USP6NL: variants seen among roughly 807,000 people sequenced by gnomAD.
The protein encoded by USP6NL is USP6 N-terminal like.
Under a neutral mutation model 61.9 loss-of-function variants are expected in USP6NL, and 26 were observed. The observed-to-expected ratio is 0.42, with a 90% CI of 0.31 to 0.58. The LOEUF (loss-of-function observed/expected upper bound fraction) is 0.58. Among genes scored for constraint, USP6NL ranks in the 20% least tolerant of loss-of-function variants. The pLI is 0.16. For synonymous variants in USP6NL, 432 were observed against 390.1 expected, an observed-to-expected ratio of 1.11 and a Z score of -1.27; for missense variants, 1,114 against 1,034.3, an observed-to-expected ratio of 1.08 and a Z score of -1.06.
chr10:11,491,606 G>A lies in USP6NL; in HGVS notation c.495-726C>T, dbSNP rs1833711456. Among the ~76,000 whole-genome samples, 1 of 152,184 alleles carries A rather than the reference G, an allele frequency of 6.6e-6. No homozygotes were observed. Among genetic ancestry groups the A allele is most frequent in the African/African-American group, 2.4e-5 (1 of 41,422 alleles). On this transcript the variant is annotated intron_variant, in intron 8 of 14. Coordinates refer to ENST00000609104, the MANE Select transcript of USP6NL (RefSeq NM_014688.5). The surrounding 1 kb of genome is among the most constrained non-coding windows in gnomAD (Gnocchi z 4.7). ...AGGACGTGGCTGTGTGGGCTGGGGG[G>A]ATTATCCTGATTACTAAGGGGAACA...
intron 14 of USP6NL, among the ~76,000 whole-genome samples, chr10:11,479,615 G>T (rs1054668068): frequency 1.4e-5 from 2 of 142,622 alleles, no homozygotes; most frequent in Non-Finnish European, 3.0e-5. Flanking sequence ...TCACTTTGTC[G>T]CCCAGGTTGG....
In USP6NL at chr10:11,481,667, A is replaced by C. The variant is rs1352129799; in HGVS notation, c.1078+103T>G. On this transcript the variant is annotated intron_variant, in intron 14 of 14. Transcript: ENST00000609104. The surrounding 1 kb of genome is among the most constrained non-coding windows in gnomAD (Gnocchi z 4.4). Reference sequence around the variant, plus strand: ...CATTCATCCACATTATGTCATCACAAGTATAATGCTTACGCTGTGGGCAAG... The same window carrying C: ...CATTCATCCACATTATGTCATCACACGTATAATGCTTACGCTGTGGGCAAG... The C allele has an allele frequency of 8.1e-7, 1 of 1,239,548 alleles. No individual in the cohort carries two copies. Among genetic ancestry groups the C allele is most frequent in the Non-Finnish European group, 1.1e-6 (1 of 936,102 alleles). 76.8% of individuals were successfully genotyped at this position (1,239,548 alleles called of 1,614,324 possible). A position where few individuals can be genotyped will look rare whatever the true frequency, so the allele number is the denominator to read the frequency against.
chr10:11,504,990 TAAGA>T (rs896403187), intron 6 of USP6NL, among the ~76,000 whole-genome samples: 2 of 152,164 alleles, frequency 1.3e-5, no homozygotes, highest in African/African-American at 4.8e-5. Context: ...CATACAATTC[TAAGA>T]GAGAACTAGA....
In USP6NL at chr10:11,501,149, G is replaced by A. The variant is rs771915776; in HGVS notation, c.336C>T (p.Leu112=). The change falls in exon 7 of 15, where the codon CTC becomes CTT. Residue 112 remains leucine (L), a synonymous_variant. Coordinates refer to ENST00000609104, the MANE Select transcript of USP6NL (RefSeq NM_014688.5). Reference sequence around the variant, plus strand: ...CTTTCATTTTAGGGATCTCAAGAAGGAGGGCCCAGACTTCACCTCTGAGCT... The same window carrying A: ...CTTTCATTTTAGGGATCTCAAGAAGAAGGGCCCAGACTTCACCTCTGAGCT... ...PLQLRGEVWA[L]LLEIPKMKEE... The A allele has an allele frequency of 6.2e-7, 1 of 1,613,344 alleles. No homozygotes were observed. The highest frequency in any genetic ancestry group is 8.5e-7 in the Non-Finnish European group (1 of 1,179,682).
chr10:11,537,937 G>A lies in USP6NL; in HGVS notation c.5-10370C>T, dbSNP rs1461012783. Among the ~76,000 whole-genome samples, 1 of 152,156 alleles carries A rather than the reference G, an allele frequency of 6.6e-6. No homozygotes were observed. The highest frequency in any genetic ancestry group is 1.5e-5 in the Non-Finnish European group (1 of 68,040). ...GATTCTGCAAATAAAAAGATCAACA[G>A]TGTCGATATAATTGGTAGGTTGCTT... On this transcript the variant is annotated intron_variant, in intron 2 of 14. Coordinates refer to ENST00000609104, the MANE Select transcript of USP6NL (RefSeq NM_014688.5). This position sits in a 1 kb window ranked among gnomAD's most constrained non-coding sequence, Gnocchi z 5.1.
Position 11,532,035 on chromosome 10 carries a change from C to T in USP6NL, c.5-4468G>A. Reference sequence around the variant, plus strand: ...TATCTTAATGTCACTAAATTAGCACCAAACTGCAATGAAAAATTCATACAA... The same window carrying T: ...TATCTTAATGTCACTAAATTAGCACTAAACTGCAATGAAAAATTCATACAA... On this transcript the variant is annotated intron_variant, in intron 2 of 14. Coordinates refer to ENST00000609104, the MANE Select transcript of USP6NL (RefSeq NM_014688.5). This position sits in a 1 kb window ranked among gnomAD's most constrained non-coding sequence, Gnocchi z 4.1. The T allele has an allele frequency of 1.6e-6, 1 of 632,478 alleles. No individual in the cohort carries two copies. The highest frequency in any genetic ancestry group is 2.2e-5 in the South Asian group (1 of 46,342). 39.2% of individuals were successfully genotyped at this position (632,478 alleles called of 1,614,324 possible). A position where few individuals can be genotyped will look rare whatever the true frequency, so the allele number is the denominator to read the frequency against.
chr10:11,587,498 C>A lies in USP6NL; in HGVS notation c.4+10133G>T, dbSNP rs1295870259. ...ATCTAATATGACCCATAAATCTCTA[C>A]AGCCTAATCAGAATCAGAGTCTTAA... On this transcript the variant is annotated intron_variant, in intron 2 of 14. Transcript: ENST00000609104. The surrounding 1 kb of genome is among the most constrained non-coding windows in gnomAD (Gnocchi z 4.5). Among the ~76,000 whole-genome samples, 2 of 152,186 alleles carry A rather than the reference C, an allele frequency of 1.3e-5. No individual in the cohort carries two copies. Among genetic ancestry groups the A allele is most frequent in the Admixed American group, 1.3e-4 (2 of 15,282 alleles).
At chr10:11,516,382 T>A (rs1834958792) in intron 5 of USP6NL, among the ~76,000 whole-genome samples, 1 of 152,228 alleles carries the variant, frequency 6.6e-6, no homozygotes, top group Non-Finnish European at 1.5e-5. Context: ...TTCTAGACTT[T>A]ATTCCATTTT....
Position 11,470,278 on chromosome 10 carries a change from C to T in USP6NL, c.1079-6429G>A, listed in dbSNP as rs917494056. ...GCCGCAGGGAACCTCATGGAGGGCC[C>T]GCGGGGACTCGCTGGCTTTTCACAG... On this transcript the variant is annotated intron_variant, in intron 14 of 14. Transcript: ENST00000609104. The surrounding 1 kb of genome is among the most constrained non-coding windows in gnomAD (Gnocchi z 5.4). Among the ~76,000 whole-genome samples, 1 of 152,140 alleles carries T rather than the reference C, an allele frequency of 6.6e-6. No individual in the cohort carries two copies. The highest frequency in any genetic ancestry group is 2.4e-5 in the African/African-American group (1 of 41,418).
Position 11,470,073 on chromosome 10 carries a change from G to C in USP6NL, c.1079-6224C>G, listed in dbSNP as rs1832667057. Among the ~76,000 whole-genome samples the C allele has an allele frequency of 6.6e-6, 1 of 152,230 alleles. No homozygotes were observed. The highest frequency in any genetic ancestry group is 1.5e-5 in the Non-Finnish European group (1 of 68,050). On this transcript the variant is annotated intron_variant, in intron 14 of 14. Coordinates refer to ENST00000609104, the MANE Select transcript of USP6NL (RefSeq NM_014688.5). This position sits in a 1 kb window ranked among gnomAD's most constrained non-coding sequence, Gnocchi z 5.4. ...CAGGCCCCCGGGGCAGCGCTGTGGA[G>C]GTAGTAACGCTGTGCCTCTCATGAG...
rs902561549 is a variant in USP6NL at position 11,575,099 on chromosome 10, A to T, written c.4+22532T>A. On this transcript the variant is annotated intron_variant, in intron 2 of 14. Transcript: ENST00000609104. The surrounding 1 kb of genome is among the most constrained non-coding windows in gnomAD (Gnocchi z 4.2). ...AAGAGGACCACTCTCCTAATTCCCTATTATCTTTAAAGAATATGTTCGTAC... is the reference window on the plus strand; with the variant it reads ...AAGAGGACCACTCTCCTAATTCCCTTTTATCTTTAAAGAATATGTTCGTAC... 6.6e-6 allele frequency among the ~76,000 whole-genome samples: 1 copy of T among 152,208 alleles called. No homozygotes were observed. The highest frequency in any genetic ancestry group is 1.5e-5 in the Non-Finnish European group (1 of 68,036).
intron 2 of USP6NL, among the ~76,000 whole-genome samples, chr10:11,583,496 A>G (rs929310979): frequency 2.0e-5 from 3 of 151,718 alleles, no homozygotes; most frequent in East Asian, 1.9e-4. Flanking sequence ...CGGCTACTAC[A>G]TTTTCAATTT....
At chr10:11,590,612 A>G (rs1357654019) in intron 2 of USP6NL, among the ~76,000 whole-genome samples, 2 of 152,208 alleles carry the variant, frequency 1.3e-5, no homozygotes, top group Non-Finnish European at 2.9e-5. Context: ...AGTTAATGTA[A>G]AAGAGATACA....
At chr10:11,501,337 T>G in intron 6 of USP6NL, 129 bp from the exon 7 acceptor site, 1 of 688,768 alleles carries the variant, frequency 1.5e-6, no homozygotes, top group Non-Finnish European at 2.4e-6. Flanking sequence ...TTAATACATT[T>G]CAACATGGCA....
Position 11,482,107 on chromosome 10 carries a change from C to T in USP6NL, c.926-185G>A, listed in dbSNP as rs1405482678. Among the ~76,000 whole-genome samples, 4 of 152,176 alleles carry T rather than the reference C, an allele frequency of 2.6e-5. No individual in the cohort carries two copies. Among genetic ancestry groups the T allele is most frequent in the African/African-American group, 9.7e-5 (4 of 41,428 alleles). ...ACAAAAATATTGCCTGATATTAAAG[C>T]AGCCACAGAGAAAAGCAGGAAAGTT... On this transcript the variant is annotated intron_variant, in intron 13 of 14. Coordinates refer to ENST00000609104, the MANE Select transcript of USP6NL (RefSeq NM_014688.5). This position sits in a 1 kb window ranked among gnomAD's most constrained non-coding sequence, Gnocchi z 4.0.
At position 11,525,448 on chromosome 10, in the gene USP6NL, A is replaced by G; in HGVS notation, c.93T>C (p.Ile31=). 1 of 1,597,394 alleles carries G rather than the reference A, an allele frequency of 6.3e-7. No homozygotes were observed. Among genetic ancestry groups the G allele is most frequent in the Non-Finnish European group, 8.5e-7 (1 of 1,175,262 alleles). The change falls in exon 4 of 15, where the codon ATT becomes ATC. Residue 31 remains isoleucine (I), a synonymous_variant. Transcript: ENST00000609104. The surrounding 1 kb of genome is among the most constrained non-coding windows in gnomAD (Gnocchi z 5.0). ...KYDRGREGAE[I]EPWEDADYLV... is the part of the protein sequence containing the mutation. ...GGTAATCAGCATCTTCCCAAGGTTC[A>G]ATCTCTGCACCTTCTCGTCCCTAAA...
At chr10:11,572,247 G>A (rs1013766201) in intron 2 of USP6NL, among the ~76,000 whole-genome samples, 1 of 151,918 alleles carries the variant, frequency 6.6e-6, no homozygotes, top group Non-Finnish European at 1.5e-5. Context: ...TATATTCTCT[G>A]GAAATAGTAA....
At chr10:11,556,731 T>C (rs1323304454) in intron 2 of USP6NL, among the ~76,000 whole-genome samples, 2 of 152,154 alleles carry the variant, frequency 1.3e-5, no homozygotes, top group Non-Finnish European at 2.9e-5. Context: ...GACCTAAGGA[T>C]GGACCTAGTA....
intron 5 of USP6NL, among the ~76,000 whole-genome samples, chr10:11,514,475 G>C (rs11257140): frequency 6.6e-6 from 1 of 151,900 alleles, no homozygotes; most frequent in Non-Finnish European, 1.5e-5. Context: ...TTGATTCCAT[G>C]ATTATAATCC....
Sources: gnomAD v4.1 joint callset for allele counts (sites outside exome capture counted in the v4.1 genomes callset) on GRCh38, gnomAD v4.1.1 for gene constraint, Gnocchi (gnomAD v3.1) non-coding constraint, MANE v1.5 for transcripts, NCBI Gene and HGNC (gene_info 2026-07-23, HGNC 2026-07-21) for gene names.